Variants in KSR2 observed in about 807,000 individuals in gnomAD.
KSR2 encodes kinase suppressor of ras 2.
In KSR2, 25 loss-of-function variants were observed where a neutral mutation model predicts 107.8. The ratio of observed to expected loss-of-function variants is 0.23; its 90% CI spans 0.17 to 0.32. KSR2 has a LOEUF of 0.32. Among genes scored for constraint, KSR2 ranks in the 10% least tolerant of loss-of-function variants. KSR2 has a pLI of 1.00. For synonymous variants in KSR2, 480 were observed against 507.0 expected (o/e 0.95, Z 0.71); for missense variants, 887 against 1,268.9 (o/e 0.70, Z 4.57).
At chr12:117,814,046 T>C (rs981673843) in intron 3 of KSR2, among the ~76,000 whole-genome samples, 5 of 152,186 alleles carry the variant, frequency 3.3e-5, no homozygotes, top group Non-Finnish European at 7.4e-5. Context: ...TTCTCACTTA[T>C]AGGTGGAAGC....
chr12:117,476,428 C>T lies in KSR2; in HGVS notation c.2582+36G>A. ...CTTGAGAAGTGCCCCTCTGCCCAGG[C>T]TGTGGCTCTCAATGGCCAGGGCAGG... On this transcript the variant is annotated intron_variant, in intron 17 of 19. Coordinates refer to ENST00000339824, the MANE Select transcript of KSR2 (RefSeq NM_173598.6). The T allele has an allele frequency of 1.9e-6, 3 of 1,552,038 alleles. No individual in the cohort carries two copies. The African/African-American group carries it at 4.1e-5, about 21-fold the overall frequency.
rs138997279 is a variant in KSR2, at chr12:117,461,104, T to C, written c.*6095A>G. 12 of 152,386 alleles carry C rather than the reference T, an allele frequency of 7.9e-5. No homozygotes were observed. In the East Asian group the frequency reaches 1.9e-3, roughly 24 times the overall value. The allele number at this position is 152,386 out of a possible 1,614,324, so 9.4% of individuals were successfully genotyped here. On this transcript the variant is annotated 3_prime_UTR_variant, in exon 20 of 20. Transcript: ENST00000339824. ...CAGCGCGGGCAACATAGCAAGACCC[T>C]GTCTGTACAACAAATAAAAAATTAG... is the stretch of plus-strand genomic sequence containing the variant.
intron 4 of KSR2, among the ~76,000 whole-genome samples, chr12:117,746,586 T>C (rs1888413386): frequency 6.6e-6 from 1 of 151,138 alleles, no homozygotes; most frequent in Non-Finnish European, 1.5e-5. Flanking sequence ...ACAAATGGAG[T>C]CTAATTAAAC....
chr12:117,578,735 A>G (rs1879450768), intron 7 of KSR2, among the ~76,000 whole-genome samples: 1 of 152,194 alleles, frequency 6.6e-6, no homozygotes, highest in Non-Finnish European at 1.5e-5. Flanking sequence ...ATTGGAATAA[A>G]TGAAGTTGTC....
chr12:117,600,336 G>T (rs536721549), intron 5 of KSR2, among the ~76,000 whole-genome samples: 2 of 152,304 alleles, frequency 1.3e-5, no homozygotes, highest in South Asian at 4.1e-4. Context: ...AAAGGAAGAG[G>T]TGTCGAATCC....
At position 117,579,101 on chromosome 12, in the gene KSR2, C is replaced by A; in HGVS notation, c.1325+18G>T. On this transcript the variant is annotated intron_variant, in intron 7 of 19. Transcript: ENST00000339824. The stretch of plus-strand genomic sequence containing the variant: ...CATCGGGTGCTGCGAAAAGTCACTG[C>A]AGGGCACAGTCACTTACTTGCAGTT... 1 of 1,600,608 alleles carries A rather than the reference C, an allele frequency of 6.2e-7. No homozygotes were observed. The highest frequency in any genetic ancestry group is 1.1e-5 in the South Asian group (1 of 89,598).
At chr12:117,552,660 T>TC (rs2137326154) in intron 9 of KSR2, among the ~76,000 whole-genome samples, 1 of 152,280 alleles carries the variant, frequency 6.6e-6, no homozygotes, top group South Asian at 2.1e-4. Flanking sequence ...AGCCTCTAAA[T>TC]CAGGGGTCAG....
intron 14 of KSR2, 46 bp downstream of exon 14, chr12:117,524,806 A>G: frequency 6.4e-7 from 1 of 1,550,968 alleles, no homozygotes; most frequent in South Asian, 1.3e-5. Context: ...CCATGCCAGA[A>G]GCAGAGTTTT....
intron 16 of KSR2, 137 bp downstream of exon 16, chr12:117,484,279 T>G (rs1256282489): frequency 3.2e-6 from 3 of 932,116 alleles, no homozygotes; most frequent in Non-Finnish European, 4.8e-6. Context: ...CCCACATCAG[T>G]AGAGCAGCTG....
intron 4 of KSR2, among the ~76,000 whole-genome samples, chr12:117,697,571 T>TC (rs1886122141): frequency 6.6e-6 from 1 of 151,998 alleles, no homozygotes; most frequent in Admixed American, 6.6e-5. Flanking sequence ...TGAAACCCTA[T>TC]TCTACTGAAA....
intron 5 of KSR2, among the ~76,000 whole-genome samples, chr12:117,608,514 T>C (rs1396406494): frequency 6.6e-6 from 1 of 152,142 alleles, no homozygotes; most frequent in Non-Finnish European, 1.5e-5. Context: ...CTTCCAGAAC[T>C]GTGGGGAATA....
chr12:117,750,467 G>T (rs932960827), intron 4 of KSR2, among the ~76,000 whole-genome samples: 27 of 151,980 alleles, frequency 1.8e-4, no homozygotes, highest in African/African-American at 6.3e-4. Flanking sequence ...TACATTATAA[G>T]ATTTTTATTT....
At chr12:117,609,189 C>T (rs994469291) in intron 5 of KSR2, among the ~76,000 whole-genome samples, 4 of 152,184 alleles carry the variant, frequency 2.6e-5, no homozygotes, top group African/African-American at 9.7e-5. Context: ...AGCTCAGCCA[C>T]TTTGTTGCTG....
intron 1 of KSR2, among the ~76,000 whole-genome samples, chr12:117,895,546 C>T (rs187911272): frequency 6.6e-6 from 1 of 152,120 alleles, no homozygotes; most frequent in African/African-American, 2.4e-5. Context: ...GGATTTCATA[C>T]CTCCTAGGAT....
At chr12:117,814,700 G>A (rs550283651) in intron 3 of KSR2, among the ~76,000 whole-genome samples, 2 of 152,304 alleles carry the variant, frequency 1.3e-5, no homozygotes, top group East Asian at 3.9e-4. Context: ...GGGGCATGAA[G>A]AGTGAACTCT....
At chr12:117,766,910 G>C (rs377098273) in intron 3 of KSR2, among the ~76,000 whole-genome samples, 12 of 151,824 alleles carry the variant, frequency 7.9e-5, no homozygotes, top group African/African-American at 2.7e-4. Context: ...GTGAGACAGA[G>C]TCTTGCTCTG....
chr12:117,541,830 A>T (rs1876512588), intron 9 of KSR2, among the ~76,000 whole-genome samples: 1 of 152,100 alleles, frequency 6.6e-6, no homozygotes. Context: ...CTAGATCCAC[A>T]CTGCTTCTGG....
chr12:117,762,251 C>T (rs1889062554), intron 3 of KSR2, among the ~76,000 whole-genome samples: 1 of 152,200 alleles, frequency 6.6e-6, no homozygotes, highest in Non-Finnish European at 1.5e-5. Context: ...AATTTTAATA[C>T]CTAACCCTCA....
intron 2 of KSR2, among the ~76,000 whole-genome samples, chr12:117,856,804 C>T (rs1394879854): frequency 1.3e-5 from 2 of 152,134 alleles, no homozygotes; most frequent in African/African-American, 4.8e-5. Context: ...TACATCTACC[C>T]TCTTGTGGTC....
Sources: allele counts gnomAD v4.1 joint callset (sites outside exome capture counted in the v4.1 genomes callset), GRCh38; gene constraint gnomAD v4.1.1; transcripts MANE v1.5; gene names NCBI Gene and HGNC (gene_info 2026-07-23, HGNC 2026-07-21).